TANC1: variants seen among roughly 807,000 people sequenced by gnomAD.
The protein encoded by TANC1 is protein TANC1.
Under a neutral mutation model 149.7 loss-of-function variants are expected in TANC1, and 77 were observed. The observed-to-expected ratio is 0.51, with a 90% CI of 0.43 to 0.62. TANC1 has a LOEUF of 0.62. TANC1 is among the 20% of genes least tolerant of loss of function. The pLI is 0.00. For missense variants in TANC1, 1,985 were observed against 2,321.8 expected, an observed-to-expected ratio of 0.85 and a Z score of 2.98; for synonymous variants, 854 against 925.0, an observed-to-expected ratio of 0.92 and a Z score of 1.39.
chr2:159,228,139 A>G (rs946910994), intron 25 of TANC1, 174 bp downstream of exon 25: 6 of 682,092 alleles, frequency 8.8e-6, no homozygotes, highest in Non-Finnish European at 1.5e-5. Context: ...TCGTTTGGTC[A>G]CGGCTGCTAC....
intron 2 of TANC1, among the ~76,000 whole-genome samples, chr2:159,032,876 G>C (rs144651599): frequency 6.6e-6 from 1 of 152,254 alleles, no homozygotes; most frequent in African/African-American, 2.4e-5. Flanking sequence ...GTGTTTTCTG[G>C]ATAAGTTGAG....
rs1160825412 is a variant in TANC1, at chr2:159,194,254, C to A, written c.2743-3C>A. The stretch of plus-strand genomic sequence containing the variant: ...AATCTTGTTGGGGGGCCTTGTCCAA[C>A]AGGTGAGCCGTCTCCTGATTTTGGG... On this transcript the variant is annotated splice_region_variant and splice_polypyrimidine_tract_variant and intron_variant, in intron 16 of 26. Transcript: ENST00000263635. 1 of 1,611,662 alleles carries A rather than the reference C, an allele frequency of 6.2e-7. No individual in the cohort carries two copies. Among genetic ancestry groups the A allele is most frequent in the Non-Finnish European group, 8.5e-7 (1 of 1,177,794 alleles).
chr2:159,022,143 C>T (rs954173220), intron 2 of TANC1, among the ~76,000 whole-genome samples: 3 of 152,280 alleles, frequency 2.0e-5, no homozygotes, highest in Admixed American at 2.0e-4. Flanking sequence ...TATCATTGCA[C>T]GCTGTTGAAG....
At chr2:158,983,741 C>T (rs1294611302) in intron 1 of TANC1, among the ~76,000 whole-genome samples, 1 of 151,988 alleles carries the variant, frequency 6.6e-6, no homozygotes, top group East Asian at 1.9e-4. Context: ...TAAATATTAC[C>T]GACAGGAGAG....
intron 2 of TANC1, among the ~76,000 whole-genome samples, chr2:159,060,510 C>A (rs1418755811): frequency 4.6e-5 from 7 of 152,182 alleles, no homozygotes. Context: ...TTCTTGCATT[C>A]CTTGCAAGTG....
intron 2 of TANC1, among the ~76,000 whole-genome samples, chr2:159,033,971 C>A (rs767769900): frequency 6.6e-6 from 1 of 152,104 alleles, no homozygotes; most frequent in Non-Finnish European, 1.5e-5. Flanking sequence ...AAACAAAAAC[C>A]CTATCAGGAC....
chr2:159,018,244 AC>A (rs1212872304), intron 2 of TANC1, among the ~76,000 whole-genome samples: 1 of 152,190 alleles, frequency 6.6e-6, no homozygotes, highest in Non-Finnish European at 1.5e-5. Context: ...TGTATTTGCT[AC>A]AGATGCATTC....
intron 7 of TANC1, among the ~76,000 whole-genome samples, chr2:159,151,063 G>A (rs2052743022): frequency 6.6e-6 from 1 of 152,198 alleles, no homozygotes; most frequent in Non-Finnish European, 1.5e-5. Flanking sequence ...CTACACCCAC[G>A]TAATAAGTGT....
At chr2:159,206,962 C>G (rs17576678) in intron 19 of TANC1, among the ~76,000 whole-genome samples, 12,988 of 152,216 alleles carry the variant, frequency 0.085, 734 homozygotes, top group South Asian at 0.23. Context: ...GTCCGGTCTT[C>G]TCATGGATTC....
chr2:159,132,350 A>C (rs2050188996), intron 4 of TANC1, among the ~76,000 whole-genome samples: 1 of 152,190 alleles, frequency 6.6e-6, no homozygotes, highest in Non-Finnish European at 1.5e-5. Flanking sequence ...CCTGGGAACC[A>C]GGTGGGCCTG....
At chr2:159,078,488 G>A (rs2043920028) in intron 3 of TANC1, among the ~76,000 whole-genome samples, 1 of 152,158 alleles carries the variant, frequency 6.6e-6, no homozygotes, top group South Asian at 2.1e-4. Context: ...TATCAGTTCT[G>A]TAAATTCACT....
chr2:159,079,299 GGGATT>G (rs1408456499), intron 3 of TANC1, among the ~76,000 whole-genome samples: 2 of 149,944 alleles, frequency 1.3e-5, no homozygotes, highest in African/African-American at 4.9e-5. Context: ...CCTAGTAACT[GGGATT>G]ACAGGTGTGA....
chr2:159,086,556 A>T (rs1022705933), intron 3 of TANC1, among the ~76,000 whole-genome samples: 1 of 152,202 alleles, frequency 6.6e-6, no homozygotes, highest in Non-Finnish European at 1.5e-5. Context: ...GACTCATGAC[A>T]GCAGGAGCCT....
rs1422609427 is a variant in TANC1 at position 159,175,165 on chromosome 2, A to G, written c.1716A>G (p.Pro572=). ...CTTTCAAGAGGGGAGTGCTGGAGCCACTCACAAACCTGAGAAATGGTACTT... is the reference window on the plus strand; with the variant it reads ...CTTTCAAGAGGGGAGTGCTGGAGCCGCTCACAAACCTGAGAAATGGTACTT... The part of the protein sequence containing the change: ...VAAFKRGVLE[P]LTNLRNEQKI... The change falls in exon 12 of 27, where the codon CCA becomes CCG. Residue 572 remains proline, a synonymous_variant. Transcript: ENST00000263635. 1.2e-6 allele frequency: 2 copies of G among 1,613,900 alleles called. No individual in the cohort carries two copies. The highest frequency in any genetic ancestry group is 2.7e-5 in the African/African-American group (2 of 74,894).
intron 14 of TANC1, among the ~76,000 whole-genome samples, chr2:159,181,636 A>G (rs767731276): frequency 1.7e-4 from 26 of 152,312 alleles, no homozygotes; most frequent in Middle Eastern, 3.4e-3. Flanking sequence ...ATTACTTACA[A>G]ACAGAACAAC....
At chr2:159,052,806 A>G (rs887992721) in intron 2 of TANC1, among the ~76,000 whole-genome samples, 2 of 152,240 alleles carry the variant, frequency 1.3e-5, no homozygotes, top group Non-Finnish European at 2.9e-5. Context: ...TATTGTGGAA[A>G]TAGTTTAAAA....
intron 2 of TANC1, among the ~76,000 whole-genome samples, chr2:159,047,115 A>G (rs906241836): frequency 2.0e-5 from 3 of 151,694 alleles, no homozygotes; most frequent in African/African-American, 7.3e-5. Flanking sequence ...CTCCTCTTAG[A>G]CAATCTTTTG....
At chr2:158,972,512 C>G (rs954012497) in intron 1 of TANC1, among the ~76,000 whole-genome samples, 1 of 152,158 alleles carries the variant, frequency 6.6e-6, no homozygotes, top group African/African-American at 2.4e-5. Flanking sequence ...CTTTGTCCTG[C>G]TTGCCTAGTT....
At chr2:159,080,940 C>T (rs1462038435) in intron 3 of TANC1, among the ~76,000 whole-genome samples, 1 of 152,156 alleles carries the variant, frequency 6.6e-6, no homozygotes, top group Non-Finnish European at 1.5e-5. Flanking sequence ...ATTAGAGCAG[C>T]TTATGGTGCC....
Sources: gnomAD v4.1 joint callset for allele counts (sites outside exome capture counted in the v4.1 genomes callset) on GRCh38, gnomAD v4.1.1 for gene constraint, MANE v1.5 for transcripts, NCBI Gene and HGNC (gene_info 2026-07-23, HGNC 2026-07-21) for gene names.